Variants in SUPT3H observed in about 807,000 individuals in gnomAD.
SUPT3H encodes transcription initiation protein SPT3 homolog.
A neutral mutation model predicts 44.3 loss-of-function variants in SUPT3H; 44 were observed. The observed-to-expected ratio is 0.99, with a 90% CI of 0.78 to 1.28. The LOEUF is 1.28. SUPT3H is among the 50% of genes most tolerant of loss of function. The pLI, the probability that SUPT3H is intolerant of heterozygous loss-of-function variation, is 0.00. For synonymous variants in SUPT3H, 124 were observed against 125.6 expected, an observed-to-expected ratio of 0.99 and a Z score of 0.09; for missense variants, 380 against 387.1, an observed-to-expected ratio of 0.98 and a Z score of 0.15.
At position 45,005,477 on chromosome 6, in the gene SUPT3H, C is replaced by T. The variant is rs143037636; in HGVS notation, c.365-1685G>A. Among the ~76,000 whole-genome samples the T allele has an allele frequency of 1.2e-3, 185 of 152,144 alleles. 1 individual carries two copies. The highest frequency in any genetic ancestry group is 4.2e-3 in the African/African-American group (174 of 41,514). Reference sequence around the variant, plus strand: ...AAAATTTGCCAGGCGTGGTGGCTCACGCCTGTAATCCCAGCACTTTGGGAG... The same window carrying T: ...AAAATTTGCCAGGCGTGGTGGCTCATGCCTGTAATCCCAGCACTTTGGGAG... On this transcript the variant is annotated intron_variant, in intron 5 of 10. Coordinates refer to ENST00000371459, the MANE Select transcript of SUPT3H (RefSeq NM_003599.4).
At chr6:45,298,957 A>C (rs754099092) in intron 2 of SUPT3H, among the ~76,000 whole-genome samples, 15 of 152,216 alleles carry the variant, frequency 9.9e-5, no homozygotes, top group Non-Finnish European at 1.9e-4. Context: ...GGACCATTTT[A>C]ATCCTGTGGC....
rs1470438172 is a variant in SUPT3H at position 45,357,894 on chromosome 6, T to G, written c.101+7307A>C. ...TAGGATTTTTCAGAAAGACTAAGAG[T>G]ATATATATATATAAATACATTCACA... On this transcript the variant is annotated intron_variant, in intron 2 of 10. Transcript: ENST00000371459. 4.6e-5 allele frequency among the ~76,000 whole-genome samples: 7 copies of G among 150,870 alleles called. No individual in the cohort carries two copies. In the East Asian group the frequency reaches 1.4e-3, roughly 29 times the overall value.
chr6:44,833,475 A>C (rs1201557877), intron 10 of SUPT3H, among the ~76,000 whole-genome samples: 2 of 152,156 alleles, frequency 1.3e-5, no homozygotes, highest in Non-Finnish European at 2.9e-5. Flanking sequence ...GTCATTCTCA[A>C]AGTGAGAAAG....
At chr6:45,267,258 G>T (rs1363510312) in intron 2 of SUPT3H, among the ~76,000 whole-genome samples, 1 of 152,096 alleles carries the variant, frequency 6.6e-6, no homozygotes, top group Admixed American at 6.6e-5. Flanking sequence ...TAGAGAATAC[G>T]CATTTTAAGA....
At chr6:45,311,265 T>C (rs1043186814) in intron 2 of SUPT3H, among the ~76,000 whole-genome samples, 2 of 152,010 alleles carry the variant, frequency 1.3e-5, no homozygotes, top group Non-Finnish European at 2.9e-5. Flanking sequence ...TCCAAGAAGT[T>C]TGGGATTATG....
intron 2 of SUPT3H, among the ~76,000 whole-genome samples, chr6:45,218,674 C>T (rs531416810): frequency 1.6e-4 from 25 of 152,268 alleles, no homozygotes; most frequent in African/African-American, 3.6e-4. Context: ...GCGGAGGTTG[C>T]GGTGAGCTGA....
At chr6:45,190,952 T>C (rs1447524992) in intron 2 of SUPT3H, among the ~76,000 whole-genome samples, 1 of 152,092 alleles carries the variant, frequency 6.6e-6, no homozygotes, top group Non-Finnish European at 1.5e-5. Context: ...GGAACTCTCA[T>C]TCACTGCTGG....
At chr6:45,355,037 C>T (rs898240555) in intron 2 of SUPT3H, among the ~76,000 whole-genome samples, 2 of 151,914 alleles carry the variant, frequency 1.3e-5, no homozygotes, top group Non-Finnish European at 2.9e-5. Flanking sequence ...TGCAGTGGTA[C>T]GATCACAGGT....
In SUPT3H at chr6:45,280,103, TCTA is replaced by T. The variant is rs551668452; in HGVS notation, c.101+85095_101+85097del. Among the ~76,000 whole-genome samples, 82 of 152,296 alleles carry T rather than the reference TCTA, an allele frequency of 5.4e-4. 1 individual carries two copies. Among genetic ancestry groups the T allele is most frequent in the African/African-American group, 1.9e-3 (81 of 41,568 alleles). On this transcript the variant is annotated intron_variant, in intron 2 of 10. Coordinates refer to ENST00000371459, the MANE Select transcript of SUPT3H (RefSeq NM_003599.4). ...AATCTAATCATGTCTCACCATCTCT[TCTA>T]CTGCAAAAATATGTATGTCTAACAC... is the stretch of plus-strand genomic sequence containing the variant.
At chr6:45,239,120 C>T (rs934976613) in intron 2 of SUPT3H, among the ~76,000 whole-genome samples, 3 of 152,150 alleles carry the variant, frequency 2.0e-5, no homozygotes, top group African/African-American at 7.2e-5. Context: ...TTTAATATGC[C>T]TATTAATGTG....
At chr6:45,340,709 A>G (rs10948230) in intron 2 of SUPT3H, among the ~76,000 whole-genome samples, 20,518 of 152,138 alleles carry the variant, frequency 0.13, 1,597 homozygotes, top group East Asian at 0.26. Context: ...AATGTCCACA[A>G]TACACATATA....
At chr6:45,177,132 G>T (rs562879975) in intron 2 of SUPT3H, among the ~76,000 whole-genome samples, 4 of 152,132 alleles carry the variant, frequency 2.6e-5, no homozygotes, top group African/African-American at 9.6e-5. Flanking sequence ...AGCTACGGGC[G>T]GACATTCAAA....
At chr6:45,229,784 A>C (rs2153639360) in intron 2 of SUPT3H, among the ~76,000 whole-genome samples, 1 of 152,312 alleles carries the variant, frequency 6.6e-6, no homozygotes, top group South Asian at 2.1e-4. Context: ...GATCAAGTCA[A>C]GATAAATGGG....
intron 2 of SUPT3H, among the ~76,000 whole-genome samples, chr6:45,282,416 G>T (rs2153667426): frequency 6.6e-6 from 1 of 152,284 alleles, no homozygotes; most frequent in Middle Eastern, 3.4e-3. Flanking sequence ...TGAAAACCAT[G>T]GCACGAGAAC....
intron 10 of SUPT3H, among the ~76,000 whole-genome samples, chr6:44,906,913 C>A (rs1462734342): frequency 6.6e-6 from 1 of 152,098 alleles, no homozygotes; most frequent in African/African-American, 2.4e-5. Flanking sequence ...GGAGGTTGAC[C>A]CATGAATTTC....
At chr6:45,345,496 C>T (rs1461959858) in intron 2 of SUPT3H, among the ~76,000 whole-genome samples, 1 of 152,110 alleles carries the variant, frequency 6.6e-6, no homozygotes, top group African/African-American at 2.4e-5. Context: ...AACCAACGCT[C>T]AAACCTGCAG....
At chr6:44,946,196 T>G (rs1309454484) in intron 9 of SUPT3H, among the ~76,000 whole-genome samples, 1 of 152,196 alleles carries the variant, frequency 6.6e-6, no homozygotes, top group Admixed American at 6.5e-5. Context: ...TAATTACTGC[T>G]CATTGACAAT....
At chr6:45,352,609 A>G (rs992218647) in intron 2 of SUPT3H, among the ~76,000 whole-genome samples, 6 of 152,152 alleles carry the variant, frequency 3.9e-5, no homozygotes, top group Admixed American at 6.5e-5. Context: ...TTATGCTTCT[A>G]TGATTCACTA....
intron 2 of SUPT3H, among the ~76,000 whole-genome samples, chr6:45,317,946 A>C (rs1266252629): frequency 6.6e-6 from 1 of 152,174 alleles, no homozygotes; most frequent in Non-Finnish European, 1.5e-5. Context: ...ATACATCTGC[A>C]AAGGGGTTAA....
Sources: allele counts gnomAD v4.1 joint callset (sites outside exome capture counted in the v4.1 genomes callset), GRCh38; gene constraint gnomAD v4.1.1; transcripts MANE v1.5; gene names NCBI Gene and HGNC (gene_info 2026-07-23, HGNC 2026-07-21).